Variants in TENM3 observed in about 807,000 individuals in gnomAD.
TENM3 encodes teneurin-3.
In TENM3, 63 loss-of-function variants were observed where a neutral mutation model predicts 255.1. That is an observed-to-expected ratio of 0.25 (90% CI 0.20 to 0.30). The LOEUF is 0.30. Among genes scored for constraint, TENM3 ranks in the 10% least tolerant of loss-of-function variants. The pLI is 1.00. For synonymous variants in TENM3, 1,306 were observed against 1,322.3 expected (o/e 0.99, Z 0.27); for missense variants, 2,929 against 3,461.1 (o/e 0.85, Z 3.86).
chr4:181,970,026 C>T, the TENM3 span, among the ~76,000 whole-genome samples: 1 of 152,172 alleles, frequency 6.6e-6, no homozygotes, highest in Admixed American at 6.6e-5. Flanking sequence ...GCAAAGACAG[C>T]TCCCCATTTG....
chr4:181,628,070 C>T, the TENM3 span, among the ~76,000 whole-genome samples: 3 of 152,156 alleles, frequency 2.0e-5, no homozygotes, highest in Non-Finnish European at 4.4e-5. Flanking sequence ...TTTTGATTTG[C>T]GTTTCTCTGA....
At position 182,800,326 on chromosome 4, in the gene TENM3, G is replaced by C; in HGVS notation, c.8075G>C (p.Arg2692Pro). 6.3e-7 allele frequency: 1 copy of C among 1,590,188 alleles called. No homozygotes were observed. The highest frequency in any genetic ancestry group is 8.5e-7 in the Non-Finnish European group (1 of 1,176,602). ...AGCGCCAACAACATCCAGTTCCTGC[G>C]GCAGAGCGAGATCGGCAGGAGGTAA... is the stretch of plus-strand genomic sequence containing the variant. ...ADSANNIQFL[R>P]QSEIGRR The change falls in exon 28 of 28, where the codon CGG (arginine) becomes CCG (proline). Residue 2692 changes from arginine to proline, a missense_variant. Coordinates refer to ENST00000511685, the MANE Select transcript of TENM3 (RefSeq NM_001080477.4).
chr4:182,317,727 A>G (rs1762830432), intron 1 of TENM3, among the ~76,000 whole-genome samples: 1 of 151,954 alleles, frequency 6.6e-6, no homozygotes. Flanking sequence ...ATATATATAT[A>G]TATATGATTT....
At chr4:182,279,134 A>G (rs1760204152) in intron 1 of TENM3, among the ~76,000 whole-genome samples, 2 of 152,320 alleles carry the variant, frequency 1.3e-5, no homozygotes, top group East Asian at 1.9e-4. Context: ...ATCAGTTACT[A>G]AAATGACTGC....
chr4:181,843,108 T>C, the TENM3 span, among the ~76,000 whole-genome samples: 1 of 152,214 alleles, frequency 6.6e-6, no homozygotes, highest in African/African-American at 2.4e-5. Flanking sequence ...TTTATTTTTA[T>C]CTTGAAATTA....
At chr4:181,475,919 T>A in the TENM3 span, among the ~76,000 whole-genome samples, 1 of 152,206 alleles carries the variant, frequency 6.6e-6, no homozygotes, top group Non-Finnish European at 1.5e-5. Flanking sequence ...GGCACCGGGT[T>A]CACCCCGCCG....
At position 182,570,592 on chromosome 4, in the gene TENM3, G is replaced by A. The variant is rs149930490; in HGVS notation, c.512-30332G>A. Among the ~76,000 whole-genome samples, 1,402 of 152,300 alleles carry A rather than the reference G, an allele frequency of 9.2e-3. 26 individuals are homozygous for A. Among genetic ancestry groups the A allele is most frequent in the African/African-American group, 0.032 (1,334 of 41,564 alleles). ...CGGCCGGGCGTGGTGGCTCACGCCT[G>A]TAATCCCAACACTTTGGGAGGCCAA... is the stretch of plus-strand genomic sequence containing the variant. On this transcript the variant is annotated intron_variant, in intron 3 of 27. Transcript: ENST00000511685.
At chr4:181,917,455 T>C in the TENM3 span, among the ~76,000 whole-genome samples, 4 of 152,092 alleles carry the variant, frequency 2.6e-5, no homozygotes, top group Non-Finnish European at 5.9e-5. Flanking sequence ...ATGTAATTGC[T>C]CTTTTTCTCA....
chr4:182,735,122 C>T (rs1461860340), intron 16 of TENM3, among the ~76,000 whole-genome samples: 1 of 152,086 alleles, frequency 6.6e-6, no homozygotes, highest in Non-Finnish European at 1.5e-5. Flanking sequence ...CAAAAGTACC[C>T]TCAATCTTAA....
the TENM3 span, among the ~76,000 whole-genome samples, chr4:181,551,274 T>C: frequency 1.3e-5 from 2 of 151,882 alleles, no homozygotes; most frequent in African/African-American, 4.8e-5. Context: ...CTGAAGGAAG[T>C]AAAAATGCAT....
At chr4:181,807,810 T>G in the TENM3 span, among the ~76,000 whole-genome samples, 1 of 152,206 alleles carries the variant, frequency 6.6e-6, no homozygotes, top group Non-Finnish European at 1.5e-5. Flanking sequence ...TATGCTGAAT[T>G]TAAATAATAA....
intron 13 of TENM3, among the ~76,000 whole-genome samples, chr4:182,721,291 C>G (rs1371130020): frequency 6.6e-6 from 1 of 151,878 alleles, no homozygotes; most frequent in Non-Finnish European, 1.5e-5. Context: ...TCAGTAACTT[C>G]GTGGGCATCT....
chr4:181,616,281 C>CAAAA, the TENM3 span, among the ~76,000 whole-genome samples: 1 of 84,060 alleles, frequency 1.2e-5, no homozygotes, highest in Non-Finnish European at 2.2e-5. Flanking sequence ...TAAAGGTTTC[C>CAAAA]AAAAAAAAAA....
the TENM3 span, among the ~76,000 whole-genome samples, chr4:181,913,315 T>C: frequency 2.0e-5 from 3 of 152,318 alleles, no homozygotes; most frequent in African/African-American, 7.2e-5. Context: ...AATTTGGTCC[T>C]GTTGGAAGTA....
chr4:182,014,328 C>G, the TENM3 span, among the ~76,000 whole-genome samples: 560 of 151,920 alleles, frequency 3.7e-3, 16 homozygotes, highest in South Asian at 0.049. Context: ...ATATATGGTG[C>G]CCATTCCTCT....
chr4:182,615,070 T>TGTGTA (rs201005312), intron 4 of TENM3, among the ~76,000 whole-genome samples: 1 of 82,604 alleles, frequency 1.2e-5, no homozygotes, highest in Non-Finnish European at 2.5e-5. Flanking sequence ...TATATATGTA[T>TGTGTA]TTTTTTTTTC....
In TENM3 at chr4:182,754,307, A is replaced by C. The variant is rs1177653197; in HGVS notation, c.4018-78A>C. 7.1e-7 allele frequency: 1 copy of C among 1,400,222 alleles called. No individual in the cohort carries two copies. The highest frequency in any genetic ancestry group is 1.4e-5 in the African/African-American group (1 of 68,968). The allele number at this position is 1,400,222 out of a possible 1,614,324, so 86.7% of individuals were successfully genotyped here. ...TCTCAGATTAATGCCAATTTCCCTG[A>C]ATGGTCTAATTTACTCTTCTGGCGA... On this transcript the variant is annotated intron_variant, in intron 21 of 27. Transcript: ENST00000511685. The surrounding 1 kb of genome is among the most constrained non-coding windows in gnomAD (Gnocchi z 5.1).
intron 1 of TENM3, among the ~76,000 whole-genome samples, chr4:182,277,679 A>G (rs1426983214): frequency 1.3e-5 from 2 of 152,324 alleles, no homozygotes; most frequent in East Asian, 3.9e-4. Context: ...GGATGACAAA[A>G]TAGGATAGAG....
At chr4:181,454,668 A>ATACCTTTTTTTTACTTTTTTTTTTTTTTT in the TENM3 span, among the ~76,000 whole-genome samples, 1 of 88,172 alleles carries the variant, frequency 1.1e-5, no homozygotes, top group Non-Finnish European at 2.2e-5. Context: ...TATGTTTTTT[A>ATACCTTTTTTTTACTTTTTTTTTTTTTTT]TACCATTTTT....
Sources: gnomAD v4.1 joint callset for allele counts (sites outside exome capture counted in the v4.1 genomes callset) on GRCh38, gnomAD v4.1.1 for gene constraint, Gnocchi (gnomAD v3.1) non-coding constraint, MANE v1.5 for transcripts, NCBI Gene and HGNC (gene_info 2026-07-23, HGNC 2026-07-21) for gene names.